Variants in AGAP3 observed in about 807,000 individuals in gnomAD.
AGAP3 encodes ArfGAP with GTPase domain, ankyrin repeat and PH domain 3, also known as arf-GAP with GTPase, ANK repeat and PH domain-containing protein 3.
A neutral mutation model predicts 96.9 loss-of-function variants in AGAP3; 24 were observed. The observed-to-expected ratio is 0.25, with a 90% confidence interval of 0.18 to 0.35. AGAP3 has a LOEUF of 0.35. AGAP3 is among the 10% of genes least tolerant of loss of function. AGAP3 has a pLI of 1.00. For synonymous variants in AGAP3, 563 were observed against 536.1 expected (o/e 1.05, Z -0.69); for missense variants, 876 against 1,254.2 (o/e 0.70, Z 4.55).
chr7:151,118,411 C>G lies in AGAP3; in HGVS notation c.841+67C>G. 1 of 1,596,170 alleles carries G rather than the reference C, an allele frequency of 6.3e-7. No homozygotes were observed. Among genetic ancestry groups the G allele is most frequent in the Admixed American group, 1.7e-5 (1 of 59,486 alleles). On this transcript the variant is annotated intron_variant, in intron 6 of 17. Transcript: ENST00000397238. This position sits in a 1 kb window ranked among gnomAD's most constrained non-coding sequence, Gnocchi z 6.1. ...CCAGTGCTGGCGATAGGAAGGCTCC[C>G]AGTGAGAGCAAGGCTGTGTGTCTGG...
intron 1 of AGAP3, chr7:151,115,543 T>A (rs991295951): frequency 2.7e-6 from 3 of 1,094,258 alleles, no homozygotes; most frequent in Non-Finnish European, 3.3e-6. Flanking sequence ...CTCTGGAGGC[T>A]GCTCACGAGC....
At chr7:151,111,696 G>A (rs979776888) in intron 1 of AGAP3, among the ~76,000 whole-genome samples, 1 of 152,220 alleles carries the variant, frequency 6.6e-6, no homozygotes, top group African/African-American at 2.4e-5. Context: ...ACAGAAGGGG[G>A]TCTTGAGCCC....
chr7:151,137,568 C>T (rs767810030), intron 11 of AGAP3, among the ~76,000 whole-genome samples: 6 of 152,244 alleles, frequency 3.9e-5, no homozygotes, highest in East Asian at 1.9e-4. Context: ...CCGGCCGCCG[C>T]GCCTGCCCCA....
chr7:151,123,840 G>C lies in AGAP3; in HGVS notation c.1175G>C (p.Cys392Ser). ...GACCGGGAGAAGAAGGCTGCCGAGT[G>C]CAAGGTGGACAGCATCGGGAGCGGC... ...DLDREKKAAE[C>S]KVDSIGSGRA... Residue 392 changes from cysteine to serine, a missense_variant, in exon 9 of 18, where the codon TGC becomes TCC. Physicochemically the swap from Cys to Ser is moderately radical, Grantham distance 112 (BLOSUM62 -1). Transcript: ENST00000397238. The C allele has an allele frequency of 6.2e-7, 1 of 1,612,430 alleles. No homozygotes were observed. Among genetic ancestry groups the C allele is most frequent in the South Asian group, 1.1e-5 (1 of 91,084 alleles).
chr7:151,138,264 C>G lies in AGAP3; in HGVS notation c.1617C>G (p.Asp539Glu). 1.2e-6 allele frequency: 2 copies of G among 1,612,932 alleles called. No individual in the cohort carries two copies. The highest frequency in any genetic ancestry group is 1.7e-6 in the Non-Finnish European group (2 of 1,179,794). The change falls in exon 12 of 18, where the codon GAC (aspartate) becomes GAG (glutamate). Residue 539 changes from aspartate (D) to glutamate (E), a missense_variant. Transcript: ENST00000397238. ...HQRSCSVSSA[D>E]QWSEATTSLP... is the part of the protein sequence containing the mutation. ...GCTCCTGCTCCGTTTCCAGCGCCGACCAGTGGAGTGAGGCCACCACTTCCC... is the reference window on the plus strand; with the variant it reads ...GCTCCTGCTCCGTTTCCAGCGCCGAGCAGTGGAGTGAGGCCACCACTTCCC...
intron 12 of AGAP3, 94 bp downstream of exon 12, chr7:151,138,407 G>C: frequency 7.2e-7 from 1 of 1,395,642 alleles, no homozygotes; most frequent in Non-Finnish European, 9.6e-7. Context: ...GGAGGCTGCA[G>C]TGGGACAGTG....
At chr7:151,103,042 A>C (rs916746619) in intron 1 of AGAP3, among the ~76,000 whole-genome samples, 2 of 152,246 alleles carry the variant, frequency 1.3e-5, no homozygotes, top group African/African-American at 4.8e-5. Flanking sequence ...ATATTTAGGA[A>C]GACCTTGCCT....
intron 1 of AGAP3, among the ~76,000 whole-genome samples, chr7:151,100,280 C>T (rs890806826): frequency 1.3e-5 from 2 of 152,188 alleles, no homozygotes; most frequent in African/African-American, 4.8e-5. Flanking sequence ...ACATCCCGGG[C>T]TGGTTGTGGA....
At chr7:151,089,168 A>G (rs545568872) in intron 1 of AGAP3, among the ~76,000 whole-genome samples, 1 of 152,216 alleles carries the variant, frequency 6.6e-6, no homozygotes, top group East Asian at 1.9e-4. Flanking sequence ...TCAAAAGAAA[A>G]AAAAAACCAC....
chr7:151,106,826 T>C (rs1451547360), intron 1 of AGAP3, among the ~76,000 whole-genome samples: 1 of 152,044 alleles, frequency 6.6e-6, no homozygotes, highest in Non-Finnish European at 1.5e-5. Flanking sequence ...TCCACTAGAC[T>C]CTCAGCCTGT....
At chr7:151,089,164 G>GA (rs146362195) in intron 1 of AGAP3, among the ~76,000 whole-genome samples, 4,076 of 144,980 alleles carry the variant, frequency 0.028, 82 homozygotes, top group African/African-American at 0.038. Context: ...GTCTTCAAAA[G>GA]AAAAAAAAAA....
chr7:151,120,794 A>G (rs1302922162), intron 8 of AGAP3: 1 of 1,177,208 alleles, frequency 8.5e-7, no homozygotes, highest in Non-Finnish European at 1.1e-6. Flanking sequence ...CACAAACCTC[A>G]CACCCCACAC....
intron 9 of AGAP3, among the ~76,000 whole-genome samples, chr7:151,125,606 G>A (rs1800122307): frequency 1.3e-5 from 2 of 152,144 alleles, no homozygotes; most frequent in Admixed American, 1.3e-4. Flanking sequence ...CGCTAGGGGC[G>A]GGGCGCGTCC....
At position 151,099,675 on chromosome 7, in the gene AGAP3, G is replaced by A. The variant is rs541724499; in HGVS notation, c.331+12603G>A. ...CGGGGACTGGCACCGGGACCGGGCC[G>A]CTGGCCGCTGTCAGTCAGCATCTTG... On this transcript the variant is annotated intron_variant, in intron 1 of 17. Transcript: ENST00000397238. Among the ~76,000 whole-genome samples, 304 of 152,340 alleles carry A rather than the reference G, an allele frequency of 2.0e-3. 2 individuals carry two copies. Among genetic ancestry groups the A allele is most frequent in the African/African-American group, 4.2e-3 (175 of 41,580 alleles).
In AGAP3 at chr7:151,133,162, C is replaced by T. The variant is rs1354740168; in HGVS notation, c.1327-1238C>T. On this transcript the variant is annotated intron_variant, in intron 10 of 17. Coordinates refer to ENST00000397238, the MANE Select transcript of AGAP3 (RefSeq NM_031946.7). This position sits in a 1 kb window ranked among gnomAD's most constrained non-coding sequence, Gnocchi z 5.4. ...TAATTCAGTCAGAAGTTAAATCTGG[C>T]ACCACCACCCAGGTTCTTCTCTCAG... 6.6e-6 allele frequency among the ~76,000 whole-genome samples: 1 copy of T among 152,194 alleles called. No homozygotes were observed. The highest frequency in any genetic ancestry group is 1.9e-4 in the East Asian group (1 of 5,196).
intron 1 of AGAP3, among the ~76,000 whole-genome samples, chr7:151,100,693 T>C (rs1330757370): frequency 6.6e-6 from 1 of 151,990 alleles, no homozygotes. Flanking sequence ...AATACATAAA[T>C]TAGCTGGGTG....
chr7:151,123,497 C>T (rs1244410371), intron 8 of AGAP3: 3 of 1,218,926 alleles, frequency 2.5e-6, no homozygotes, highest in Non-Finnish European at 3.1e-6. Flanking sequence ...CTCGCCCCCG[C>T]TTCTCTTACG....
intron 1 of AGAP3, among the ~76,000 whole-genome samples, chr7:151,090,837 G>A (rs938254694): frequency 7.2e-5 from 11 of 152,140 alleles, no homozygotes; most frequent in South Asian, 2.1e-4. Flanking sequence ...CCAGCTACTC[G>A]GGAGGCTGAG....
chr7:151,092,776 C>G (rs1798450112), intron 1 of AGAP3, among the ~76,000 whole-genome samples: 1 of 152,084 alleles, frequency 6.6e-6, no homozygotes, highest in African/African-American at 2.4e-5. Context: ...CTCTGGTTCT[C>G]CAACTCCAGG....
Sources: gnomAD v4.1 joint callset for allele counts (sites outside exome capture counted in the v4.1 genomes callset) on GRCh38, gnomAD v4.1.1 for gene constraint, Gnocchi (gnomAD v3.1) non-coding constraint, MANE v1.5 for transcripts, NCBI Gene and HGNC (gene_info 2026-07-23, HGNC 2026-07-21) for gene names.